Variants in ARL15 observed in about 807,000 individuals in gnomAD.
ARL15 encodes ARF like GTPase 15, also known as ADP-ribosylation factor-like protein 15.
A neutral mutation model predicts 25.2 loss-of-function variants in ARL15; 19 were observed. The observed-to-expected ratio is 0.75, with a 90% CI of 0.53 to 1.10. The LOEUF (loss-of-function observed/expected upper bound fraction) is 1.10. ARL15 is among the 50% of genes least tolerant of loss of function. The pLI, the probability that ARL15 is intolerant of heterozygous loss-of-function variation, is 0.00. For missense variants in ARL15, 220 were observed against 246.0 expected (o/e 0.89, Z 0.71); for synonymous variants, 94 against 86.8 (o/e 1.08, Z -0.46).
intron 4 of ARL15, among the ~76,000 whole-genome samples, chr5:53,944,014 C>T (rs1255442478): frequency 2.0e-5 from 3 of 152,000 alleles, no homozygotes; most frequent in Admixed American, 6.6e-5. Flanking sequence ...AACTCTGGAC[C>T]CCATGTTACA....
At chr5:54,026,052 A>G (rs1339614641) in intron 4 of ARL15, among the ~76,000 whole-genome samples, 1 of 152,220 alleles carries the variant, frequency 6.6e-6, no homozygotes, top group African/African-American at 2.4e-5. Context: ...TTTATCAAAG[A>G]AGTAAATAAT....
intron 1 of ARL15, among the ~76,000 whole-genome samples, chr5:54,290,304 C>CTT (rs34445601): frequency 7.9e-5 from 11 of 140,006 alleles, no homozygotes; most frequent in African/African-American, 1.8e-4. Context: ...ATCACTCAAC[C>CTT]TTTTTTTTTT....
chr5:54,138,507 C>A (rs1219808408), intron 3 of ARL15, among the ~76,000 whole-genome samples: 1 of 152,092 alleles, frequency 6.6e-6, no homozygotes, highest in Admixed American at 6.6e-5. Flanking sequence ...TCTCCACTTA[C>A]ACAAAAATCA....
intron 2 of ARL15, among the ~76,000 whole-genome samples, chr5:54,167,589 CAGAACA>C (rs1374947597): frequency 6.6e-6 from 1 of 151,964 alleles, no homozygotes; most frequent in Non-Finnish European, 1.5e-5. Context: ...TCCATCTTAC[CAGAACA>C]AGAAGTCCTC....
intron 4 of ARL15, among the ~76,000 whole-genome samples, chr5:54,033,743 C>T (rs1203154745): frequency 6.6e-6 from 1 of 151,580 alleles, no homozygotes; most frequent in Non-Finnish European, 1.5e-5. Context: ...TAAGAAAATA[C>T]CACAGAAATA....
chr5:54,159,503 T>C (rs926771252), intron 2 of ARL15, among the ~76,000 whole-genome samples: 1 of 152,214 alleles, frequency 6.6e-6, no homozygotes, highest in African/African-American at 2.4e-5. Context: ...CTCTTTGAGA[T>C]GTCCTCTAAA....
At chr5:53,992,356 C>T (rs1285858451) in intron 4 of ARL15, among the ~76,000 whole-genome samples, 2 of 152,150 alleles carry the variant, frequency 1.3e-5, no homozygotes, top group Non-Finnish European at 2.9e-5. Context: ...TGAACAATGT[C>T]ATAACACTTC....
chr5:54,288,303 T>C (rs938681839), intron 1 of ARL15, among the ~76,000 whole-genome samples: 3 of 152,194 alleles, frequency 2.0e-5, no homozygotes, highest in Non-Finnish European at 4.4e-5. Flanking sequence ...TTACAAGTCT[T>C]CCAGGAGGGA....
intron 3 of ARL15, among the ~76,000 whole-genome samples, chr5:54,128,634 T>C (rs1260340586): frequency 6.6e-6 from 1 of 152,112 alleles, no homozygotes. Flanking sequence ...AATACATTTA[T>C]GACACTATGT....
At chr5:53,903,016 C>G (rs1580063126) in intron 4 of ARL15, among the ~76,000 whole-genome samples, 1 of 152,228 alleles carries the variant, frequency 6.6e-6, no homozygotes. Context: ...CAGTCAGGAG[C>G]CTAATATCCT....
intron 1 of ARL15, among the ~76,000 whole-genome samples, chr5:54,235,971 C>A (rs1450316837): frequency 1.3e-5 from 2 of 152,076 alleles, no homozygotes. Flanking sequence ...ATTGTTATTT[C>A]ATCAACTAGG....
intron 4 of ARL15, among the ~76,000 whole-genome samples, chr5:54,032,416 GC>G (rs1171310171): frequency 6.6e-6 from 1 of 151,896 alleles, no homozygotes; most frequent in Non-Finnish European, 1.5e-5. Flanking sequence ...TGTATTTTTA[GC>G]ACAGACAGGG....
chr5:54,192,126 C>A (rs960708046), intron 1 of ARL15, among the ~76,000 whole-genome samples: 5 of 152,118 alleles, frequency 3.3e-5, no homozygotes, highest in Non-Finnish European at 1.5e-5. Context: ...GCTTAGAAAT[C>A]TCTTGCCCTA....
At chr5:54,028,052 G>T (rs1325789992) in intron 4 of ARL15, among the ~76,000 whole-genome samples, 5 of 151,784 alleles carry the variant, frequency 3.3e-5, no homozygotes, top group African/African-American at 9.7e-5. Context: ...TCCCTAGTAG[G>T]TGGGATTACA....
chr5:53,955,795 A>C (rs1747131305), intron 4 of ARL15, among the ~76,000 whole-genome samples: 1 of 152,184 alleles, frequency 6.6e-6, no homozygotes, highest in Non-Finnish European at 1.5e-5. Context: ...CTGGTTCTGA[A>C]GGCTGCACAG....
intron 1 of ARL15, among the ~76,000 whole-genome samples, chr5:54,206,133 G>A (rs1703221525): frequency 6.6e-6 from 1 of 152,154 alleles, no homozygotes; most frequent in African/African-American, 2.4e-5. Flanking sequence ...CAAAGTCTAT[G>A]TCTGTTTAAT....
chr5:53,967,274 T>C (rs1355212264), intron 4 of ARL15, among the ~76,000 whole-genome samples: 4 of 152,214 alleles, frequency 2.6e-5, no homozygotes, highest in Admixed American at 2.6e-4. Flanking sequence ...TAGACTTCCG[T>C]GTACACACAA....
chr5:54,181,901 G>T (rs1454074182), intron 1 of ARL15, among the ~76,000 whole-genome samples: 1 of 145,180 alleles, frequency 6.9e-6, no homozygotes, highest in Non-Finnish European at 1.5e-5. Context: ...GATGGCCAGT[G>T]ATGATGAGCA....
chr5:54,018,979 G>C (rs1203108016), intron 4 of ARL15, among the ~76,000 whole-genome samples: 1 of 152,116 alleles, frequency 6.6e-6, no homozygotes. Flanking sequence ...AACAAGATCA[G>C]ATTCTTTACG....
Sources: gnomAD v4.1 joint callset for allele counts (sites outside exome capture counted in the v4.1 genomes callset) on GRCh38, gnomAD v4.1.1 for gene constraint, MANE v1.5 for transcripts, NCBI Gene and HGNC (gene_info 2026-07-23, HGNC 2026-07-21) for gene names.